RNF169: variants seen among roughly 807,000 people sequenced by gnomAD.
RNF169 encodes E3 ubiquitin-protein ligase RNF169.
In RNF169, 24 loss-of-function variants were observed where a neutral mutation model predicts 53.9. That is an observed-to-expected ratio of 0.45 (90% confidence interval 0.32 to 0.63). The LOEUF (loss-of-function observed/expected upper bound fraction) is 0.63, where lower values mean the gene tolerates loss of function less well. RNF169 is among the 20% of genes least tolerant of loss of function. The pLI is 0.04. For missense variants in RNF169, 883 were observed against 906.2 expected (o/e 0.97, Z 0.33); for synonymous variants, 396 against 363.5 (o/e 1.09, Z -1.02).
intron 3 of RNF169, among the ~76,000 whole-genome samples, chr11:74,814,571 T>G (rs2035919023): frequency 1.3e-5 from 2 of 151,608 alleles, no homozygotes; most frequent in African/African-American, 4.8e-5. Context: ...TTTTTGTTTT[T>G]GTAGAGACAG....
chr11:74,767,388 TAGG>T (rs1319245036), intron 1 of RNF169, among the ~76,000 whole-genome samples: 1 of 151,854 alleles, frequency 6.6e-6, no homozygotes, highest in Non-Finnish European at 1.5e-5. Context: ...ACATGTGGAA[TAGG>T]AGAAAGTTTC....
In RNF169 at chr11:74,811,193, G is replaced by A. The variant is rs572753167; in HGVS notation, c.723+863G>A. ...TTATACAGGTCCCAGCATTGTAACT[G>A]TTTGTACACTTCGGCCAAGTTACTT... On this transcript the variant is annotated intron_variant, in intron 3 of 5. Transcript: ENST00000299563. Among the ~76,000 whole-genome samples the A allele has an allele frequency of 7.9e-5, 12 of 152,084 alleles. No homozygotes were observed. The South Asian group carries it at 2.5e-3, about 32-fold the overall frequency.
intron 1 of RNF169, among the ~76,000 whole-genome samples, chr11:74,756,730 A>T (rs1052703842): frequency 6.6e-6 from 1 of 152,212 alleles, no homozygotes; most frequent in African/African-American, 2.4e-5. Context: ...TGGTTAGAGT[A>T]TAGAGTGCAT....
At chr11:74,805,807 G>A (rs539287634) in intron 2 of RNF169, among the ~76,000 whole-genome samples, 2 of 151,726 alleles carry the variant, frequency 1.3e-5, no homozygotes, top group Non-Finnish European at 2.9e-5. Context: ...TCAACCCTAC[G>A]GATTGAAAAT....
At chr11:74,762,066 G>A (rs1160375009) in intron 1 of RNF169, among the ~76,000 whole-genome samples, 42 of 141,838 alleles carry the variant, frequency 3.0e-4, no homozygotes, top group African/African-American at 8.7e-4. Flanking sequence ...ATCTTCCATC[G>A]CTGATACCCT....
rs2036302182 is a variant in RNF169, at chr11:74,839,111, A to C, written c.*2381A>C. 6.6e-6 allele frequency: 1 copy of C among 152,202 alleles called. No homozygotes were observed. The highest frequency in any genetic ancestry group is 1.5e-5 in the Non-Finnish European group (1 of 68,048). 9.4% of individuals were successfully genotyped at this position (152,202 alleles called of 1,614,324 possible). A position where few individuals can be genotyped will look rare whatever the true frequency, so the allele number is the denominator to read the frequency against. On this transcript the variant is annotated 3_prime_UTR_variant, in exon 6 of 6. Transcript: ENST00000299563. The stretch of plus-strand genomic sequence containing the variant: ...TGTAACAAGTGCAGAATGAAGAACA[A>C]ATTCTTGTTAAGCAAATAGTCCAAA...
intron 1 of RNF169, among the ~76,000 whole-genome samples, chr11:74,784,882 T>C (rs556450468): frequency 1.1e-4 from 17 of 152,176 alleles, no homozygotes; most frequent in Non-Finnish European, 1.8e-4. Flanking sequence ...AAGAAAAGGA[T>C]AGACAGGCCT....
At chr11:74,786,791 G>C (rs2035510263) in intron 1 of RNF169, among the ~76,000 whole-genome samples, 1 of 152,298 alleles carries the variant, frequency 6.6e-6, no homozygotes, top group South Asian at 2.1e-4. Context: ...AGAGGAAGTT[G>C]AGACTGACTT....
At chr11:74,782,630 G>A (rs891169989) in intron 1 of RNF169, among the ~76,000 whole-genome samples, 2 of 152,018 alleles carry the variant, frequency 1.3e-5, no homozygotes, top group African/African-American at 4.8e-5. Context: ...GGCCCCTTAT[G>A]GCATGTTGAA....
chr11:74,781,400 G>A, intron 1 of RNF169, among the ~76,000 whole-genome samples: 1 of 152,182 alleles, frequency 6.6e-6, no homozygotes, highest in Non-Finnish European at 1.5e-5. Context: ...GATAAACCCA[G>A]AGACCAGAAG....
intron 4 of RNF169, among the ~76,000 whole-genome samples, chr11:74,832,664 T>C (rs982927102): frequency 2.0e-5 from 3 of 152,174 alleles, no homozygotes; most frequent in African/African-American, 4.8e-5. Context: ...TTTCTCAGGT[T>C]GATCAGAAAA....
At chr11:74,815,701 C>T (rs1033527767) in intron 3 of RNF169, among the ~76,000 whole-genome samples, 8 of 152,078 alleles carry the variant, frequency 5.3e-5, no homozygotes, top group East Asian at 1.9e-4. Flanking sequence ...TTTTTAATGG[C>T]CTGTCACAAT....
intron 3 of RNF169, among the ~76,000 whole-genome samples, chr11:74,816,171 C>T (rs1420911171): frequency 6.6e-6 from 1 of 152,188 alleles, no homozygotes; most frequent in Non-Finnish European, 1.5e-5. Context: ...GCAGGGTACT[C>T]GGAGCCATAT....
chr11:74,774,435 T>C (rs2035303080), intron 1 of RNF169, among the ~76,000 whole-genome samples: 1 of 151,866 alleles, frequency 6.6e-6, no homozygotes, highest in African/African-American at 2.4e-5. Flanking sequence ...TAAATAAGGC[T>C]AGTATTAGAT....
chr11:74,822,874 A>G (rs2135135246), intron 4 of RNF169, among the ~76,000 whole-genome samples: 1 of 152,312 alleles, frequency 6.6e-6, no homozygotes, highest in South Asian at 2.1e-4. Flanking sequence ...AAATTTCTTT[A>G]ATATATCCAC....
Position 74,836,395 on chromosome 11 carries a change from C to G in RNF169, c.1792C>G (p.His598Asp). ...AAAGCAACAATTGAAGACATTAAAT[C>G]ATTTTGATCTGACTAATGGTGTTCT... The part of the protein sequence containing the change: ...KTKQQLKTLN[H>D]FDLTNGVLVE... The change falls in exon 6 of 6, where the codon CAT becomes GAT. Residue 598 changes from histidine (H) to aspartate (D), a missense_variant. By Grantham distance (81) the His-to-Asp change is moderately conservative. Coordinates refer to ENST00000299563, the MANE Select transcript of RNF169 (RefSeq NM_001098638.2). 3 of 1,614,180 alleles carry G rather than the reference C, an allele frequency of 1.9e-6. No homozygotes were observed. Among genetic ancestry groups the G allele is most frequent in the Non-Finnish European group, 2.5e-6 (3 of 1,180,012 alleles).
At chr11:74,814,702 G>T (rs2035920594) in intron 3 of RNF169, among the ~76,000 whole-genome samples, 1 of 151,900 alleles carries the variant, frequency 6.6e-6, no homozygotes, top group Non-Finnish European at 1.5e-5. Context: ...GTTTTTGTGT[G>T]TGTAAATAAA....
chr11:74,785,941 C>CTTTT (rs796451609), intron 1 of RNF169, among the ~76,000 whole-genome samples: 1 of 130,222 alleles, frequency 7.7e-6, no homozygotes, highest in Non-Finnish European at 1.6e-5. Flanking sequence ...GTTTTCTTTT[C>CTTTT]TTTTTTTTTT....
intron 4 of RNF169, among the ~76,000 whole-genome samples, chr11:74,833,144 G>T (rs2036204811): frequency 6.6e-6 from 1 of 152,156 alleles, no homozygotes. Flanking sequence ...TGAATGGGAG[G>T]AATAACACAG....
Sources: allele counts gnomAD v4.1 joint callset (sites outside exome capture counted in the v4.1 genomes callset), GRCh38; gene constraint gnomAD v4.1.1; transcripts MANE v1.5; gene names NCBI Gene and HGNC (gene_info 2026-07-23, HGNC 2026-07-21).